Variants in PTPRD observed in about 807,000 individuals in gnomAD.
PTPRD encodes the protein protein tyrosine phosphatase receptor type D.
PTPRD carries 34 observed loss-of-function variants against 214.5 expected under a neutral mutation model. That is an observed-to-expected ratio of 0.16 (90% CI 0.12 to 0.21). The LOEUF is 0.21. PTPRD is among the 10% of genes least tolerant of loss of function. PTPRD has a pLI of 1.00. For synonymous variants in PTPRD, 1,128 were observed against 845.7 expected, an observed-to-expected ratio of 1.33 and a Z score of -5.79; for missense variants, 2,545 against 2,398.7, an observed-to-expected ratio of 1.06 and a Z score of -1.27.
At chr9:9,410,013 T>A (rs1475599434) in intron 8 of PTPRD, among the ~76,000 whole-genome samples, 1 of 152,160 alleles carries the variant, frequency 6.6e-6, no homozygotes, top group African/African-American at 2.4e-5. Flanking sequence ...ATGAAACACA[T>A]TTTTAATAAA....
intron 2 of PTPRD, among the ~76,000 whole-genome samples, chr9:10,466,661 T>C (rs1308274166): frequency 3.0e-5 from 4 of 131,520 alleles, no homozygotes; most frequent in East Asian, 4.3e-4. Flanking sequence ...AGAAAAGAAA[T>C]TTTATAACAA....
chr9:9,820,009 C>G (rs1375784223), intron 5 of PTPRD, among the ~76,000 whole-genome samples: 1 of 152,076 alleles, frequency 6.6e-6, no homozygotes, highest in African/African-American at 2.4e-5. Flanking sequence ...TACCAAGTAA[C>G]AGGATTGCTG....
intron 2 of PTPRD, among the ~76,000 whole-genome samples, chr9:10,452,388 G>A (rs893485474): frequency 6.7e-6 from 1 of 149,880 alleles, no homozygotes; most frequent in Non-Finnish European, 1.5e-5. Context: ...ATTTTTTTTT[G>A]AAGATCATTC....
Position 8,598,270 on chromosome 9 carries a change from G to C in PTPRD, c.352+35047C>G, listed in dbSNP as rs559504197. On this transcript the variant is annotated intron_variant, in intron 14 of 45. Coordinates refer to ENST00000381196, the MANE Select transcript of PTPRD (RefSeq NM_002839.4). Reference sequence around the variant, plus strand: ...AGTTTGAGACCAGCCTGGCCAACATGGTGAAACCCTGTCTCTATTAAAAAT... The same window carrying C: ...AGTTTGAGACCAGCCTGGCCAACATCGTGAAACCCTGTCTCTATTAAAAAT... 3.9e-5 allele frequency among the ~76,000 whole-genome samples: 6 copies of C among 152,198 alleles called. No individual in the cohort carries two copies. In the South Asian group the frequency reaches 1.2e-3, roughly 32 times the overall value.
At chr9:9,118,907 A>T (rs1160511984) in intron 10 of PTPRD, among the ~76,000 whole-genome samples, 2 of 152,172 alleles carry the variant, frequency 1.3e-5, no homozygotes, top group African/African-American at 4.8e-5. Context: ...ATGCACATGA[A>T]ATCACACCAC....
chr9:9,236,458 T>A (rs1239309091), intron 9 of PTPRD, among the ~76,000 whole-genome samples: 1 of 151,700 alleles, frequency 6.6e-6, no homozygotes, highest in Non-Finnish European at 1.5e-5. Context: ...AATCCACCCA[T>A]AAATTCTCCT....
At chr9:8,809,513 G>A (rs1196224510) in intron 11 of PTPRD, among the ~76,000 whole-genome samples, 2 of 152,056 alleles carry the variant, frequency 1.3e-5, no homozygotes, top group African/African-American at 4.8e-5. Context: ...ACACCTCCCT[G>A]AAATCTGTAA....
intron 6 of PTPRD, among the ~76,000 whole-genome samples, chr9:9,765,813 A>C (rs965436009): frequency 1.4e-4 from 21 of 150,400 alleles, no homozygotes; most frequent in Non-Finnish European, 1.9e-4. Context: ...GGCACCCACC[A>C]CCACCCCTGG....
intron 4 of PTPRD, among the ~76,000 whole-genome samples, chr9:10,028,102 G>C (rs534732005): frequency 9.9e-5 from 15 of 152,218 alleles, no homozygotes; most frequent in African/African-American, 2.9e-4. Context: ...GGTCTTTCTT[G>C]TGCTGTTCTT....
intron 5 of PTPRD, among the ~76,000 whole-genome samples, chr9:9,826,925 A>C (rs1156905112): frequency 2.0e-5 from 3 of 151,896 alleles, no homozygotes; most frequent in Non-Finnish European, 2.9e-5. Flanking sequence ...AAAATAAAAT[A>C]TCTAGGAATC....
intron 12 of PTPRD, among the ~76,000 whole-genome samples, chr9:8,671,093 G>A (rs2097275707): frequency 6.6e-6 from 1 of 152,056 alleles, no homozygotes; most frequent in Non-Finnish European, 1.5e-5. Context: ...CAGTGTGCTT[G>A]GAGAGTATCA....
chr9:10,347,317 G>C (rs1208631837), intron 2 of PTPRD, among the ~76,000 whole-genome samples: 4 of 151,156 alleles, frequency 2.6e-5, no homozygotes, highest in Admixed American at 2.6e-4. Context: ...CATAATAGAT[G>C]TACATAGTTT....
chr9:9,808,862 C>T (rs1438391903), intron 5 of PTPRD, among the ~76,000 whole-genome samples: 1 of 152,094 alleles, frequency 6.6e-6, no homozygotes, highest in Non-Finnish European at 1.5e-5. Flanking sequence ...ACCTCAAACT[C>T]CTGGGCTCAA....
chr9:9,838,717 G>T (rs1010529756), intron 5 of PTPRD, among the ~76,000 whole-genome samples: 8 of 151,890 alleles, frequency 5.3e-5, no homozygotes, highest in African/African-American at 1.9e-4. Context: ...TTTTTAGGTT[G>T]CCTGTTCACT....
At chr9:10,225,556 A>T (rs982562946) in intron 3 of PTPRD, among the ~76,000 whole-genome samples, 1 of 152,028 alleles carries the variant, frequency 6.6e-6, no homozygotes, top group Non-Finnish European at 1.5e-5. Context: ...TATTACCATG[A>T]ACAGAAGCTG....
At chr9:8,446,672 G>T (rs1195195447) in intron 34 of PTPRD, among the ~76,000 whole-genome samples, 1 of 152,016 alleles carries the variant, frequency 6.6e-6, no homozygotes, top group Non-Finnish European at 1.5e-5. Flanking sequence ...AATGTTTGGG[G>T]ATAAGCAATT....
chr9:8,895,334 A>T (rs2154245934), intron 11 of PTPRD, among the ~76,000 whole-genome samples: 1 of 152,328 alleles, frequency 6.6e-6, no homozygotes, highest in South Asian at 2.1e-4. Context: ...TTGCCAAAAT[A>T]AAAACATAAG....
At chr9:9,930,015 GT>G (rs1349712884) in intron 5 of PTPRD, among the ~76,000 whole-genome samples, 1 of 152,152 alleles carries the variant, frequency 6.6e-6, no homozygotes, top group Non-Finnish European at 1.5e-5. Flanking sequence ...CAGATACTCA[GT>G]CTGTAGGAAA....
intron 2 of PTPRD, among the ~76,000 whole-genome samples, chr9:10,602,083 C>G (rs945731287): frequency 6.6e-6 from 1 of 151,676 alleles, no homozygotes; most frequent in African/African-American, 2.4e-5. Context: ...ATTTTAACTT[C>G]CGATTTTTGT....
Sources: gnomAD v4.1 joint callset for allele counts (sites outside exome capture counted in the v4.1 genomes callset) on GRCh38, gnomAD v4.1.1 for gene constraint, MANE v1.5 for transcripts, NCBI Gene and HGNC (gene_info 2026-07-23, HGNC 2026-07-21) for gene names.